Variants in GPI observed in about 807,000 individuals in gnomAD.
GPI encodes D-hexose-6-phosphate anomerase.
A neutral mutation model predicts 75.8 loss-of-function variants in GPI; 56 were observed. The observed-to-expected ratio is 0.74, with a 90% CI of 0.60 to 0.92. The LOEUF is 0.92. Among genes scored for constraint, GPI ranks in the 40% least tolerant of loss-of-function variants. The probability of loss-of-function intolerance (pLI) is 0.00; values close to 1 mark genes in which losing one functional copy is unlikely to be tolerated. For synonymous variants in GPI, 288 were observed against 285.4 expected (o/e 1.01, Z -0.09); for missense variants, 638 against 741.0 (o/e 0.86, Z 1.61).
At chr19:34,364,688 T>C (rs2074327596), upstream of GPI, 4 of 375,892 alleles carry the variant, frequency 1.1e-5, no homozygotes, top group Non-Finnish European at 1.9e-5. Context: ...TAGTCACTTT[T>C]TTCTTAATTG....
In GPI at chr19:34,377,786, C is replaced by A. The variant is rs769204005; in HGVS notation, c.538C>A (p.Arg180Ser). ...TAAGCCATACTCTTCAGGAGGTCCC[C>A]GCGTCTGGTATGTCTCCAACATTGA... The part of the protein sequence containing the change: ...ALKPYSSGGP[R>S]VWYVSNIDGT... Residue 180 changes from arginine (R) to serine (S), a missense_variant, in exon 6 of 18, where the codon CGC becomes AGC. Physicochemically the swap from Arg to Ser is moderately radical, Grantham distance 110. Coordinates refer to ENST00000356487, the MANE Select transcript of GPI (RefSeq NM_000175.5). The A allele has an allele frequency of 6.2e-7, 1 of 1,613,792 alleles. No individual in the cohort carries two copies. The highest frequency in any genetic ancestry group is 1.3e-5 in the African/African-American group (1 of 74,904).
At chr19:34,375,661 G>A (rs2074524103) in intron 4 of GPI, among the ~76,000 whole-genome samples, 1 of 152,190 alleles carries the variant, frequency 6.6e-6, no homozygotes, top group African/African-American at 2.4e-5. Context: ...TTGGAAAAAG[G>A]CCTTAGTTCG....
intron 1 of GPI, 158 bp downstream of exon 1, chr19:34,365,546 G>A (rs1306081355): frequency 1.6e-6 from 2 of 1,230,078 alleles, no homozygotes; most frequent in Non-Finnish European, 2.3e-6. Context: ...CTTCGTCCTT[G>A]GAGTCTCCTT....
chr19:34,376,742 G>T (rs2074542721), intron 4 of GPI, among the ~76,000 whole-genome samples: 1 of 151,828 alleles, frequency 6.6e-6, no homozygotes, highest in African/African-American at 2.4e-5. Context: ...GGCCCCTAAG[G>T]CACAGTTTTA....
At chr19:34,377,481 G>T in intron 4 of GPI, 22 bp from the exon 5 acceptor site, 2 of 1,576,144 alleles carry the variant, frequency 1.3e-6, no homozygotes, top group South Asian at 1.1e-5. Context: ...TTGGGCTGAT[G>T]GCATCTTCGC....
At chr19:34,370,833 G>C (rs2074440758) in intron 4 of GPI, among the ~76,000 whole-genome samples, 1 of 152,116 alleles carries the variant, frequency 6.6e-6, no homozygotes. Context: ...TGGGAGGATT[G>C]CTTGAGCCCG....
At chr19:34,373,685 T>A (rs1014150168) in intron 4 of GPI, among the ~76,000 whole-genome samples, 4 of 152,124 alleles carry the variant, frequency 2.6e-5, no homozygotes, top group Non-Finnish European at 5.9e-5. Flanking sequence ...TCTCTTTATG[T>A]GGGGAATTTG....
At chr19:34,399,836 G>A (rs1476452546) in intron 17 of GPI, 51 bp downstream of exon 17, 1 of 1,613,094 alleles carries the variant, frequency 6.2e-7, no homozygotes, top group South Asian at 1.1e-5. Flanking sequence ...GTCGGCTCAG[G>A]GATTTCAGTA....
intron 15 of GPI, 78 bp from the exon 16 acceptor site, chr19:34,399,478 C>A (rs1210851913): frequency 7.2e-5 from 112 of 1,566,308 alleles, no homozygotes; most frequent in Non-Finnish European, 9.3e-5. Flanking sequence ...GTCTCAGCCT[C>A]TGGGGCAGGG....
rs1444690648 is a variant in GPI at position 34,393,486 on chromosome 19, C to T, written c.865+178C>T. 1.4e-6 allele frequency: 1 copy of T among 734,064 alleles called. No individual in the cohort carries two copies. Among genetic ancestry groups the T allele is most frequent in the Admixed American group, 2.0e-5 (1 of 49,580 alleles). 45.5% of individuals were successfully genotyped at this position (734,064 alleles called of 1,614,324 possible). On this transcript the variant is annotated intron_variant, in intron 10 of 17. Coordinates refer to ENST00000356487, the MANE Select transcript of GPI (RefSeq NM_000175.5). The surrounding 1 kb of genome is among the most constrained non-coding windows in gnomAD (Gnocchi z 4.4). The stretch of plus-strand genomic sequence containing the variant: ...GAAGGTCTGGGTTTTTTTGCGTGTG[C>T]AAGTTGGCCCCCGTCTTTGCCCCTC...
In GPI at chr19:34,378,755, CT is replaced by C. The variant is rs8191377; in HGVS notation, c.634-178del. ...TTGGGGGGTGTGTTTACCGTCCCCC[CT>C]CCTCTGGTTTTAAAGAGCTGGAATC... On this transcript the variant is annotated intron_variant, in intron 6 of 17. Transcript: ENST00000356487. 2.3e-3 allele frequency among the ~76,000 whole-genome samples: 349 copies of C among 152,274 alleles called. 1 individual carries two copies. The highest frequency in any genetic ancestry group is 7.9e-3 in the African/African-American group (330 of 41,540).
intron 9 of GPI, among the ~76,000 whole-genome samples, chr19:34,385,764 G>C (rs895867231): frequency 6.6e-6 from 1 of 152,116 alleles, no homozygotes. Flanking sequence ...ATGCAGGTAG[G>C]GGGTGCTGGT....
chr19:34,380,596 A>T (rs144967873), intron 8 of GPI, among the ~76,000 whole-genome samples: 124 of 152,290 alleles, frequency 8.1e-4, no homozygotes, highest in African/African-American at 2.9e-3. Context: ...TAGTGACTGT[A>T]TGAGTAGGTG....
chr19:34,366,254 G>A (rs1219247428), intron 1 of GPI, 91 bp from the exon 2 acceptor site: 1 of 864,828 alleles, frequency 1.2e-6, no homozygotes, highest in South Asian at 1.3e-5. Context: ...GGTCAGGGAG[G>A]ATGTTTCTTC....
At chr19:34,360,744 C>G (rs924255362), upstream of GPI, among the ~76,000 whole-genome samples, 1 of 152,156 alleles carries the variant, frequency 6.6e-6, no homozygotes. Flanking sequence ...GGTTGATTCT[C>G]TAGTTAAGAG....
chr19:34,369,697 ACT>A (rs1342037915), intron 4 of GPI, among the ~76,000 whole-genome samples: 7 of 114,692 alleles, frequency 6.1e-5, no homozygotes, highest in South Asian at 6.1e-4. Flanking sequence ...ACAGAGGGAG[ACT>A]CTGTCAAAAA....
chr19:34,381,730 T>G, intron 9 of GPI: 1 of 628,012 alleles, frequency 1.6e-6, no homozygotes, highest in South Asian at 1.8e-5. Flanking sequence ...GGGCTGAGCT[T>G]GCAGGGCCAC....
chr19:34,365,626 A>G (rs559750136), intron 1 of GPI: 38 of 701,312 alleles, frequency 5.4e-5, no homozygotes, highest in Non-Finnish European at 8.5e-5. Flanking sequence ...TTACGAGGAA[A>G]AACGGGCCCC....
intron 4 of GPI, among the ~76,000 whole-genome samples, chr19:34,373,590 G>T (rs2074488427): frequency 6.6e-6 from 1 of 151,336 alleles, no homozygotes; most frequent in African/African-American, 2.4e-5. Context: ...AAAGAAAATT[G>T]CTGGATCTTA....
Sources: gnomAD v4.1 joint callset for allele counts (sites outside exome capture counted in the v4.1 genomes callset) on GRCh38, gnomAD v4.1.1 for gene constraint, Gnocchi (gnomAD v3.1) non-coding constraint, MANE v1.5 for transcripts, NCBI Gene and HGNC (gene_info 2026-07-23, HGNC 2026-07-21) for gene names.